The following BHLHE22 variants were observed in gnomAD, a reference collection of about 807,000 sequenced individuals.
BHLHE22 encodes basic helix-loop-helix family member e22, also known as class E basic helix-loop-helix protein 22.
In BHLHE22, 8 loss-of-function variants were observed where a neutral mutation model predicts 17.6. The ratio of observed to expected loss-of-function variants is 0.45; its 90% confidence interval spans 0.27 to 0.82. The LOEUF is 0.82. Among genes scored for constraint, BHLHE22 ranks in the 40% least tolerant of loss-of-function variants. The probability of loss-of-function intolerance (pLI) is 0.16; values close to 1 mark genes in which losing one functional copy is unlikely to be tolerated. For synonymous variants in BHLHE22, 353 were observed against 282.7 expected (o/e 1.25, Z -2.49); for missense variants, 570 against 581.5 (o/e 0.98, Z 0.20).
Position 64,580,947 on chromosome 8 carries a change from C to A in BHLHE22, c.157C>A (p.Arg53Ser). The change falls in exon 1 of 1, where the codon CGC becomes AGC. Residue 53 changes from arginine (R) to serine (S), a missense_variant. Physicochemically the swap from Arg to Ser is moderately radical, Grantham distance 110. Coordinates refer to ENST00000321870, the MANE Select transcript of BHLHE22 (RefSeq NM_152414.5). ...GTCCCTGGCGCCGCCGCCTCGGGAA[C>A]GCCCGGCGTCCTCCTCCTCGTCGCC... The part of the protein sequence containing the change: ...DLSLAPPPRE[R>S]PASSSSSPLG... 6.8e-7 allele frequency: 1 copy of A among 1,461,530 alleles called. No individual in the cohort carries two copies. The highest frequency in any genetic ancestry group is 2.8e-5 in the East Asian group (1 of 35,686). 90.5% of individuals were successfully genotyped at this position (1,461,530 alleles called of 1,614,324 possible).
Position 64,581,384 on chromosome 8 carries a change from G to A in BHLHE22, c.594G>A (p.Gly198=). The A allele has an allele frequency of 2.7e-6, 4 of 1,506,290 alleles. No homozygotes were observed. The highest frequency in any genetic ancestry group is 3.5e-6 in the Non-Finnish European group (4 of 1,135,044). 93.3% of individuals were successfully genotyped at this position (1,506,290 alleles called of 1,614,324 possible). ...HLHGGASVPP[G]GLGGGGGGGS... is the part of the protein sequence containing the mutation. Reference sequence around the variant, plus strand: ...ACGGCGGCGCCAGCGTCCCCCCGGGGGGCCTGGGCGGCGGCGGCGGCGGGG... The same window carrying A: ...ACGGCGGCGCCAGCGTCCCCCCGGGAGGCCTGGGCGGCGGCGGCGGCGGGG... The change falls in exon 1 of 1, where the codon GGG becomes GGA. Residue 198 remains glycine (G), a synonymous_variant. Coordinates refer to ENST00000321870, the MANE Select transcript of BHLHE22 (RefSeq NM_152414.5). This position sits in a 1 kb window ranked among gnomAD's most constrained non-coding sequence, Gnocchi z 6.4.
Position 64,582,281 on chromosome 8 carries a change from G to C in BHLHE22, c.*345G>C, listed in dbSNP as rs1386873672. 5.5e-6 allele frequency: 2 copies of C among 362,404 alleles called. No individual in the cohort carries two copies. The highest frequency in any genetic ancestry group is 4.5e-5 in the African/African-American group (2 of 44,700). 22.4% of individuals were successfully genotyped at this position (362,404 alleles called of 1,614,324 possible). ...AAACATAAGTTGAGAAGTAGTGCTT[G>C]GTTATTAAGCCTGGAGAGTGTTTGA... is the stretch of plus-strand genomic sequence containing the variant. On this transcript the variant is annotated 3_prime_UTR_variant, in exon 1 of 1. Transcript: ENST00000321870.
At position 64,581,464 on chromosome 8, in the gene BHLHE22, G is replaced by C; in HGVS notation, c.674G>C (p.Gly225Ala). The change falls in exon 1 of 1, where the codon GGC (glycine) becomes GCC (alanine). Residue 225 changes from glycine (G) to alanine (A), a missense_variant. Physicochemically the swap from Gly to Ala is moderately conservative, Grantham distance 60. Transcript: ENST00000321870. The surrounding 1 kb of genome is among the most constrained non-coding windows in gnomAD (Gnocchi z 6.4). ...GGGGSGSGSG[G>A]SSSSSSSSSK... ...GGCGGTAGCGGTAGCGGCAGCGGCG[G>C]CAGCAGCAGCAGCAGCAGCAGCAGC... 7.0e-7 allele frequency: 1 copy of C among 1,428,380 alleles called. No individual in the cohort carries two copies. Among genetic ancestry groups the C allele is most frequent in the Non-Finnish European group, 9.2e-7 (1 of 1,081,974 alleles). 88.5% of individuals were successfully genotyped at this position (1,428,380 alleles called of 1,614,324 possible).
In BHLHE22 at chr8:64,581,848, T is replaced by G; in HGVS notation, c.1058T>G (p.Leu353Arg). Residue 353 changes from leucine (L) to arginine (R), a missense_variant, in exon 1 of 1, where the codon CTG becomes CGG. Physicochemically the swap from Leu to Arg is moderately radical, Grantham distance 102. Around this residue, in one of 3 missense-constraint regions of BHLHE22, gnomAD observed 111 missense variants for 122.0 expected, o/e 0.91. Transcript: ENST00000321870. This position sits in a 1 kb window ranked among gnomAD's most constrained non-coding sequence, Gnocchi z 6.4. ...QAAGYPFSAGLPPAASCPEKC... is the reference protein window; with the variant it reads ...QAAGYPFSAGRPPAASCPEKC... ...GCCGGCTACCCGTTCAGCGCCGGAC[T>G]GCCCCCGGCTGCCTCCTGCCCGGAG... is the stretch of plus-strand genomic sequence containing the variant. 6.2e-7 allele frequency: 1 copy of G among 1,607,236 alleles called. No homozygotes were observed. The highest frequency in any genetic ancestry group is 1.1e-5 in the South Asian group (1 of 90,844).
Position 64,581,479 on chromosome 8 carries a change from G to C in BHLHE22, c.689G>C (p.Ser230Thr), listed in dbSNP as rs766557099. 4.2e-5 allele frequency: 66 copies of C among 1,557,128 alleles called. No homozygotes were observed. Among genetic ancestry groups the C allele is most frequent in the Non-Finnish European group, 5.4e-5 (62 of 1,156,790 alleles). ...GGCAGCGGCGGCAGCAGCAGCAGCA[G>C]CAGCAGCAGCAGCAAGAAATCCAAA... ...GSGSGGSSSSSSSSSKKSKEQ... is the reference protein window; with the variant it reads ...GSGSGGSSSSTSSSSKKSKEQ... Residue 230 changes from serine to threonine, a missense_variant, in exon 1 of 1, where the codon AGC (serine) becomes ACC (threonine). Transcript: ENST00000321870. The surrounding 1 kb of genome is among the most constrained non-coding windows in gnomAD (Gnocchi z 6.4).
rs1201591847 is a variant in BHLHE22 at position 64,583,276 on chromosome 8, A to T, written c.*1340A>T. ...AAATCCTTTGTTATTTTTCTAAAAA[A>T]ATAAAATTTAAAAAGAAAGAAAACT... On this transcript the variant is annotated 3_prime_UTR_variant, in exon 1 of 1. Coordinates refer to ENST00000321870, the MANE Select transcript of BHLHE22 (RefSeq NM_152414.5). The T allele has an allele frequency of 6.0e-6, 1 of 167,074 alleles. No homozygotes were observed. Among genetic ancestry groups the T allele is most frequent in the Non-Finnish European group, 1.5e-5 (1 of 68,110 alleles). The allele number at this position is 167,074 out of a possible 1,614,324, so 10.3% of individuals were successfully genotyped here.
chr8:64,581,638 T>C lies in BHLHE22; in HGVS notation c.848T>C (p.Ile283Thr). 2 of 1,613,280 alleles carry C rather than the reference T, an allele frequency of 1.2e-6. No homozygotes were observed. Among genetic ancestry groups the C allele is most frequent in the Non-Finnish European group, 1.7e-6 (2 of 1,179,884 alleles). ...HSPSVRKLSK[I>T]ATLLLAKNYI... ...CCCTCGGTGCGAAAGCTCTCCAAGA[T>C]CGCCACGCTGCTGCTCGCCAAGAAC... Residue 283 changes from isoleucine (I) to threonine (T), a missense_variant, in exon 1 of 1, where the codon ATC becomes ACC. Around this residue, in one of 3 missense-constraint regions of BHLHE22, gnomAD observed 32 missense variants for 83.3 expected, o/e 0.38. Coordinates refer to ENST00000321870, the MANE Select transcript of BHLHE22 (RefSeq NM_152414.5). This position sits in a 1 kb window ranked among gnomAD's most constrained non-coding sequence, Gnocchi z 6.4.
chr8:64,581,408 G>T lies in BHLHE22; in HGVS notation c.618G>T (p.Gly206=). The change falls in exon 1 of 1, where the codon GGG becomes GGT. Residue 206 remains glycine (G), a synonymous_variant. Transcript: ENST00000321870. This position sits in a 1 kb window ranked among gnomAD's most constrained non-coding sequence, Gnocchi z 6.4. Reference sequence around the variant, plus strand: ...GGGGCCTGGGCGGCGGCGGCGGCGGGGGTAGCAGCAGCGGTAGCAGTGGCG... The same window carrying T: ...GGGGCCTGGGCGGCGGCGGCGGCGGTGGTAGCAGCAGCGGTAGCAGTGGCG... The part of the protein sequence containing the change: ...PPGGLGGGGG[G]GSSSGSSGGG... 6.5e-7 allele frequency: 1 copy of T among 1,530,682 alleles called. No individual in the cohort carries two copies. Among genetic ancestry groups the T allele is most frequent in the Non-Finnish European group, 8.7e-7 (1 of 1,143,978 alleles). 94.8% of individuals were successfully genotyped at this position (1,530,682 alleles called of 1,614,324 possible).
chr8:64,583,594 CAGAA>C lies in BHLHE22; in HGVS notation c.*1663_*1666del, dbSNP rs1563531981. On this transcript the variant is annotated 3_prime_UTR_variant, in exon 1 of 1. Transcript: ENST00000321870. ...CGACCATTTGTATGTGTATCTATGT[CAGAA>C]AGAATCTTTATTAAAATATTTTGAT... is the stretch of plus-strand genomic sequence containing the variant. 1 of 166,988 alleles carries C rather than the reference CAGAA, an allele frequency of 6.0e-6. No individual in the cohort carries two copies. Among genetic ancestry groups the C allele is most frequent in the East Asian group, 1.9e-4 (1 of 5,198 alleles). The allele number at this position is 166,988 out of a possible 1,614,324, so 10.3% of individuals were successfully genotyped here. A position where few individuals can be genotyped will look rare whatever the true frequency, so the allele number is the denominator to read the frequency against.
In BHLHE22 at chr8:64,581,850, C is replaced by T. The variant is rs780918012; in HGVS notation, c.1060C>T (p.Pro354Ser). The change falls in exon 1 of 1, where the codon CCC becomes TCC. Residue 354 changes from proline to serine, a missense_variant. This residue lies in a region of BHLHE22 where 111 missense variants were observed against 122.0 expected (regional missense o/e 0.91). Coordinates refer to ENST00000321870, the MANE Select transcript of BHLHE22 (RefSeq NM_152414.5). This position sits in a 1 kb window ranked among gnomAD's most constrained non-coding sequence, Gnocchi z 6.4. ...CGGCTACCCGTTCAGCGCCGGACTG[C>T]CCCCGGCTGCCTCCTGCCCGGAGAA... ...AAGYPFSAGL[P>S]PAASCPEKCA... 25 of 1,607,218 alleles carry T rather than the reference C, an allele frequency of 1.6e-5. No homozygotes were observed. In the Middle Eastern group the frequency reaches 8.3e-4, roughly 53 times the overall value.
Position 64,581,357 on chromosome 8 carries a change from C to T in BHLHE22, c.567C>T (p.Leu189=), listed in dbSNP as rs1397048628. Residue 189 remains leucine (L), a synonymous_variant, in exon 1 of 1, where the codon CTC becomes CTT. Coordinates refer to ENST00000321870, the MANE Select transcript of BHLHE22 (RefSeq NM_152414.5). The surrounding 1 kb of genome is among the most constrained non-coding windows in gnomAD (Gnocchi z 6.4). Reference sequence around the variant, plus strand: ...CCGAGGGCTGCTCCAATGCCCACCTCCACGGCGGCGCCAGCGTCCCCCCGG... The same window carrying T: ...CCGAGGGCTGCTCCAATGCCCACCTTCACGGCGGCGCCAGCGTCCCCCCGG... ...KAAEGCSNAH[L]HGGASVPPGG... is the part of the protein sequence containing the mutation. The T allele has an allele frequency of 6.1e-6, 9 of 1,469,560 alleles. No homozygotes were observed. The highest frequency in any genetic ancestry group is 8.0e-6 in the Non-Finnish European group (9 of 1,122,678). 91.0% of individuals were successfully genotyped at this position (1,469,560 alleles called of 1,614,324 possible). A position where few individuals can be genotyped will look rare whatever the true frequency, so the allele number is the denominator to read the frequency against.
In BHLHE22 at chr8:64,580,756, GC is replaced by G; in HGVS notation, c.-34del. Reference sequence around the variant, plus strand: ...GCCGAGGCGGCGGCGGCGGCAGCGGGCGCGGCGGCCCGGGCTGCGCGCCGGC... The same window carrying G: ...GCCGAGGCGGCGGCGGCGGCAGCGGGGCGGCGGCCCGGGCTGCGCGCCGGC... On this transcript the variant is annotated 5_prime_UTR_variant, in exon 1 of 1. Transcript: ENST00000321870. The G allele has an allele frequency of 9.1e-7, 1 of 1,102,206 alleles. No homozygotes were observed. The highest frequency in any genetic ancestry group is 5.0e-5 in the East Asian group (1 of 20,026). The allele number at this position is 1,102,206 out of a possible 1,614,324, so 68.3% of individuals were successfully genotyped here. A position where few individuals can be genotyped will look rare whatever the true frequency, so the allele number is the denominator to read the frequency against.
chr8:64,581,685 G>T lies in BHLHE22; in HGVS notation c.895G>T (p.Ala299Ser). The stretch of plus-strand genomic sequence containing the variant: ...GAACTACATCCTCATGCAGGCGCAG[G>T]CCCTGGAGGAGATGCGGCGCCTAGT... ...AKNYILMQAQ[A>S]LEEMRRLVAY... Residue 299 changes from alanine to serine, a missense_variant, in exon 1 of 1, where the codon GCC becomes TCC. This residue lies in a region of BHLHE22 where 111 missense variants were observed against 122.0 expected (regional missense o/e 0.91). Coordinates refer to ENST00000321870, the MANE Select transcript of BHLHE22 (RefSeq NM_152414.5). This position sits in a 1 kb window ranked among gnomAD's most constrained non-coding sequence, Gnocchi z 6.4. 2 of 1,611,574 alleles carry T rather than the reference G, an allele frequency of 1.2e-6. No individual in the cohort carries two copies. Among genetic ancestry groups the T allele is most frequent in the Non-Finnish European group, 1.7e-6 (2 of 1,179,352 alleles).
rs1804886056 is a variant in BHLHE22 at position 64,581,046 on chromosome 8, G to A, written c.256G>A (p.Gly86Ser). 2 of 1,327,106 alleles carry A rather than the reference G, an allele frequency of 1.5e-6. No individual in the cohort carries two copies. Among genetic ancestry groups the A allele is most frequent in the African/African-American group, 3.1e-5 (2 of 64,588 alleles). The allele number at this position is 1,327,106 out of a possible 1,614,324, so 82.2% of individuals were successfully genotyped here. Residue 86 changes from glycine (G) to serine (S), a missense_variant, in exon 1 of 1, where the codon GGC becomes AGC. This residue lies in a region of BHLHE22 where 427 missense variants were observed against 376.2 expected (regional missense o/e 1.14). Coordinates refer to ENST00000321870, the MANE Select transcript of BHLHE22 (RefSeq NM_152414.5). The surrounding 1 kb of genome is among the most constrained non-coding windows in gnomAD (Gnocchi z 6.4). ...GCCGCCGCCTGGAGGAGGCGGCGGCGGCAGCGCGGGAAGTGGCGGCGGCGG... is the reference window on the plus strand; with the variant it reads ...GCCGCCGCCTGGAGGAGGCGGCGGCAGCAGCGCGGGAAGTGGCGGCGGCGG... Reference protein sequence around the residue: ...LLPPPGGGGGGSAGSGGGGGG... With the variant: ...LLPPPGGGGGSSAGSGGGGGG...
chr8:64,580,766 C>G lies in BHLHE22; in HGVS notation c.-25C>G. 1 of 1,170,276 alleles carries G rather than the reference C, an allele frequency of 8.5e-7. No homozygotes were observed. Among genetic ancestry groups the G allele is most frequent in the South Asian group, 4.1e-5 (1 of 24,102 alleles). The allele number at this position is 1,170,276 out of a possible 1,614,324, so 72.5% of individuals were successfully genotyped here. On this transcript the variant is annotated 5_prime_UTR_variant, in exon 1 of 1. Coordinates refer to ENST00000321870, the MANE Select transcript of BHLHE22 (RefSeq NM_152414.5). ...CGGCGGCGGCAGCGGGCGCGGCGGC[C>G]CGGGCTGCGCGCCGGCGCGGGACCA... is the stretch of plus-strand genomic sequence containing the variant.
Position 64,580,809 on chromosome 8 carries a change from C to G in BHLHE22, c.19C>G (p.Leu7Val). 2 of 1,420,914 alleles carry G rather than the reference C, an allele frequency of 1.4e-6. No homozygotes were observed. The highest frequency in any genetic ancestry group is 1.8e-6 in the Non-Finnish European group (2 of 1,088,258). 88.0% of individuals were successfully genotyped at this position (1,420,914 alleles called of 1,614,324 possible). ...CGGGACCATGGAGCGCGGGATGCAC[C>G]TCGGTGCAGCGGCCGCCGGCGAGGA... is the stretch of plus-strand genomic sequence containing the variant. MERGMH[L>V]GAAAAGEDDL... Residue 7 changes from leucine to valine, a missense_variant, in exon 1 of 1, where the codon CTC becomes GTC. Around this residue, in one of 3 missense-constraint regions of BHLHE22, gnomAD observed 427 missense variants for 376.2 expected, o/e 1.14. Transcript: ENST00000321870.
Position 64,580,748 on chromosome 8 carries a change from G to A in BHLHE22, c.-43G>A. ...ACTCCGGGGCCGAGGCGGCGGCGGC[G>A]GCAGCGGGCGCGGCGGCCCGGGCTG... On this transcript the variant is annotated 5_prime_UTR_variant, in exon 1 of 1. Coordinates refer to ENST00000321870, the MANE Select transcript of BHLHE22 (RefSeq NM_152414.5). 2 of 1,070,122 alleles carry A rather than the reference G, an allele frequency of 1.9e-6. No individual in the cohort carries two copies. Among genetic ancestry groups the A allele is most frequent in the Non-Finnish European group, 2.3e-6 (2 of 885,380 alleles). The allele number at this position is 1,070,122 out of a possible 1,614,324, so 66.3% of individuals were successfully genotyped here. A position where few individuals can be genotyped will look rare whatever the true frequency, so the allele number is the denominator to read the frequency against.
In BHLHE22 at chr8:64,581,580, G is replaced by C; in HGVS notation, c.790G>C (p.Glu264Gln). Residue 264 changes from glutamate (E) to glutamine (Q), a missense_variant, in exon 1 of 1, where the codon GAG (glutamate) becomes CAG (glutamine). By Grantham distance (29) the Glu-to-Gln change is conservative. This residue lies in a region of BHLHE22 where 32 missense variants were observed against 83.3 expected (regional missense o/e 0.38). Coordinates refer to ENST00000321870, the MANE Select transcript of BHLHE22 (RefSeq NM_152414.5). The surrounding 1 kb of genome is among the most constrained non-coding windows in gnomAD (Gnocchi z 6.4). ...GCACGACCTGAACGACGCGCTGGAC[G>C]AGCTGCGCGCGGTGATCCCCTACGC... is the stretch of plus-strand genomic sequence containing the variant. ...RMHDLNDALD[E>Q]LRAVIPYAHS... The C allele has an allele frequency of 6.2e-7, 1 of 1,612,252 alleles. No homozygotes were observed. Among genetic ancestry groups the C allele is most frequent in the South Asian group, 1.1e-5 (1 of 91,010 alleles).
In BHLHE22 at chr8:64,581,942, C is replaced by T. The variant is rs767011407; in HGVS notation, c.*6C>T. ...AGTGCACGGAGAAGCCTTAAACACA[C>T]CCCCGAAAAACACAAGACCGACCCA... On this transcript the variant is annotated 3_prime_UTR_variant, in exon 1 of 1. Transcript: ENST00000321870. This position sits in a 1 kb window ranked among gnomAD's most constrained non-coding sequence, Gnocchi z 6.4. 3 of 1,610,866 alleles carry T rather than the reference C, an allele frequency of 1.9e-6. No homozygotes were observed. The highest frequency in any genetic ancestry group is 2.5e-6 in the Non-Finnish European group (3 of 1,179,438).
Sources: gnomAD v4.1 joint callset for allele counts on GRCh38, gnomAD v4.1.1 for gene constraint, gnomAD v4.1.1 regional missense constraint, Gnocchi (gnomAD v3.1) non-coding constraint, MANE v1.5 for transcripts, NCBI Gene and HGNC (gene_info 2026-07-23, HGNC 2026-07-21) for gene names.